Variants in CBFB observed in about 807,000 individuals in gnomAD.
The protein encoded by CBFB is core-binding factor subunit beta.
CBFB carries 9 observed loss-of-function variants against 30.4 expected under a neutral mutation model. The observed-to-expected ratio is 0.30, with a 90% CI of 0.18 to 0.52. The LOEUF (loss-of-function observed/expected upper bound fraction) is 0.52. Ranked by LOEUF, CBFB falls within the 20% of genes least tolerant of loss-of-function variation. The pLI is 0.97. For synonymous variants in CBFB, 94 were observed against 84.0 expected (o/e 1.12, Z -0.65); for missense variants, 170 against 244.0 (o/e 0.70, Z 2.02).
chr16:67,037,007 T>C (rs1387181355), intron 3 of CBFB, among the ~76,000 whole-genome samples: 2 of 152,112 alleles, frequency 1.3e-5, no homozygotes, highest in East Asian at 3.8e-4. Flanking sequence ...CAAGCGATTC[T>C]CCTGCCTCAG....
chr16:67,095,818 G>A (rs890837141), intron 5 of CBFB, among the ~76,000 whole-genome samples: 9 of 150,692 alleles, frequency 6.0e-5, no homozygotes, highest in Non-Finnish European at 8.8e-5. Context: ...TCAGACTCCC[G>A]AGTATCTGGG....
At chr16:67,090,271 C>T (rs995039980) in intron 5 of CBFB, among the ~76,000 whole-genome samples, 10 of 152,098 alleles carry the variant, frequency 6.6e-5, no homozygotes, top group African/African-American at 2.2e-4. Context: ...AATTTGGGCA[C>T]TATTCTGTAC....
chr16:67,084,061 G>A (rs1277098657), intron 5 of CBFB, among the ~76,000 whole-genome samples: 3 of 150,938 alleles, frequency 2.0e-5, no homozygotes, highest in Non-Finnish European at 4.4e-5. Context: ...TAGCTACTCA[G>A]GAGGCTGAAG....
chr16:67,073,171 C>CT (rs762103469), intron 4 of CBFB, among the ~76,000 whole-genome samples: 244 of 152,212 alleles, frequency 1.6e-3, no homozygotes, highest in Non-Finnish European at 3.0e-3. Flanking sequence ...ATCTGGTAAA[C>CT]TAAGAGCTAA....
At chr16:67,078,633 A>G (rs1247444581) in intron 4 of CBFB, among the ~76,000 whole-genome samples, 1 of 152,126 alleles carries the variant, frequency 6.6e-6, no homozygotes, top group Non-Finnish European at 1.5e-5. Context: ...TTTTGCTGCA[A>G]ATATTAATAA....
Position 67,066,983 on chromosome 16 carries a change from C to G in CBFB, c.399+185C>G, listed in dbSNP as rs1207724467. The G allele has an allele frequency of 9.2e-6, 4 of 433,868 alleles. No homozygotes were observed. In the Admixed American group the frequency reaches 1.5e-4, roughly 16 times the overall value. 26.9% of individuals were successfully genotyped at this position (433,868 alleles called of 1,614,324 possible). A position where few individuals can be genotyped will look rare whatever the true frequency, so the allele number is the denominator to read the frequency against. ...CCTGATTTTGGGAAAGTTTTTTCTT[C>G]AGCAGTTCTAAATTTCATGGGTTAT... On this transcript the variant is annotated intron_variant, in intron 4 of 5. Transcript: ENST00000412916.
chr16:67,057,233 T>G (rs915306226), intron 3 of CBFB, among the ~76,000 whole-genome samples: 3 of 152,148 alleles, frequency 2.0e-5, no homozygotes, highest in African/African-American at 7.2e-5. Context: ...TTTGCCTGCC[T>G]TGGCCTCCCA....
intron 3 of CBFB, among the ~76,000 whole-genome samples, chr16:67,037,192 C>T (rs1001430383): frequency 5.3e-5 from 8 of 152,106 alleles, no homozygotes; most frequent in African/African-American, 1.7e-4. Flanking sequence ...CCACTGTGCC[C>T]GGCCAATATA....
intron 3 of CBFB, among the ~76,000 whole-genome samples, chr16:67,037,235 A>G (rs970997128): frequency 3.9e-5 from 6 of 152,016 alleles, no homozygotes; most frequent in African/African-American, 1.4e-4. Flanking sequence ...CTTTTGTATC[A>G]CTCCATTCCT....
At chr16:67,092,279 GCTTTTTAAC>G (rs1467987316) in intron 5 of CBFB, among the ~76,000 whole-genome samples, 2 of 152,110 alleles carry the variant, frequency 1.3e-5, no homozygotes, top group Non-Finnish European at 2.9e-5. Flanking sequence ...TTTTATGGCT[GCTTTTTAAC>G]CTTTTTAATG....
chr16:67,079,517 T>C (rs1421338010), intron 4 of CBFB, among the ~76,000 whole-genome samples: 1 of 119,540 alleles, frequency 8.4e-6, no homozygotes, highest in African/African-American at 4.4e-5. Flanking sequence ...CCCTGGGTCT[T>C]TTTTTTTTTT....
chr16:67,078,210 T>C (rs1428222447), intron 4 of CBFB, among the ~76,000 whole-genome samples: 1 of 152,234 alleles, frequency 6.6e-6, no homozygotes, highest in African/African-American at 2.4e-5. Context: ...TTTGTTAAAG[T>C]GTGAACTCTG....
At chr16:67,050,460 A>G (rs1420731441) in intron 3 of CBFB, among the ~76,000 whole-genome samples, 1 of 151,924 alleles carries the variant, frequency 6.6e-6, no homozygotes, top group Non-Finnish European at 1.5e-5. Context: ...TTTAGTTTAT[A>G]AATTAGGCAC....
At chr16:67,030,841 T>C (rs1179485702) in intron 2 of CBFB, among the ~76,000 whole-genome samples, 1 of 152,112 alleles carries the variant, frequency 6.6e-6, no homozygotes, top group African/African-American at 2.4e-5. Flanking sequence ...TGATCCGCCC[T>C]CCTCGACCTC....
chr16:67,057,942 T>C (rs1960777724), intron 3 of CBFB, among the ~76,000 whole-genome samples: 4 of 152,332 alleles, frequency 2.6e-5, no homozygotes, highest in Admixed American at 2.0e-4. Context: ...AAAAAATTAC[T>C]CTTTCTCTAA....
At chr16:67,029,970 C>A in intron 2 of CBFB, 157 bp downstream of exon 2, 1 of 491,312 alleles carries the variant, frequency 2.0e-6, no homozygotes, top group East Asian at 3.7e-5. Flanking sequence ...AAACCAGATG[C>A]CGCGGGCCGG....
At chr16:67,061,102 A>G (rs556810531) in intron 3 of CBFB, among the ~76,000 whole-genome samples, 4 of 152,346 alleles carry the variant, frequency 2.6e-5, no homozygotes, top group African/African-American at 9.6e-5. Context: ...ATCATGTATA[A>G]TTTAAATTGA....
chr16:67,040,800 T>C (rs1966516068), intron 3 of CBFB, among the ~76,000 whole-genome samples: 1 of 152,044 alleles, frequency 6.6e-6, no homozygotes, highest in Non-Finnish European at 1.5e-5. Flanking sequence ...TTAAATTGAG[T>C]GGTCTGGGTA....
At position 67,100,350 on chromosome 16, in the gene CBFB, GAT is replaced by G. The variant is rs941648480; in HGVS notation, c.*1575_*1576del. 12 of 221,738 alleles carry G rather than the reference GAT, an allele frequency of 5.4e-5. No individual in the cohort carries two copies. The highest frequency in any genetic ancestry group is 9.9e-5 in the Non-Finnish European group (11 of 110,724). 13.7% of individuals were successfully genotyped at this position (221,738 alleles called of 1,614,324 possible). A position where few individuals can be genotyped will look rare whatever the true frequency, so the allele number is the denominator to read the frequency against. On this transcript the variant is annotated 3_prime_UTR_variant, in exon 6 of 6. Coordinates refer to ENST00000412916, the MANE Select transcript of CBFB (RefSeq NM_022845.3). ...GTATATAGGTCTTATTTCATAAACAGATATCCTGTATCAAATAAAAGTATTTG... is the reference window on the plus strand; with the variant it reads ...GTATATAGGTCTTATTTCATAAACAGATCCTGTATCAAATAAAAGTATTTG...
Sources: allele counts gnomAD v4.1 joint callset (sites outside exome capture counted in the v4.1 genomes callset), GRCh38; gene constraint gnomAD v4.1.1; transcripts MANE v1.5; gene names NCBI Gene and HGNC (gene_info 2026-07-23, HGNC 2026-07-21).